PEBP4: variants seen among roughly 807,000 people sequenced by gnomAD.
PEBP4 encodes phosphatidylethanolamine binding protein 4, also known as phosphatidylethanolamine-binding protein 4.
In PEBP4, 22 loss-of-function variants were observed where a neutral mutation model predicts 23.9. That is an observed-to-expected ratio of 0.92 (90% confidence interval 0.66 to 1.31). The LOEUF (loss-of-function observed/expected upper bound fraction) is 1.31. PEBP4 is among the 40% of genes most tolerant of loss of function. The pLI is 0.00. For synonymous variants in PEBP4, 112 were observed against 99.3 expected (o/e 1.13, Z -0.76); for missense variants, 324 against 281.7 (o/e 1.15, Z -1.07).
At chr8:22,808,751 T>C (rs1420671594) in intron 4 of PEBP4, among the ~76,000 whole-genome samples, 3 of 152,226 alleles carry the variant, frequency 2.0e-5, no homozygotes, top group African/African-American at 7.2e-5. Context: ...AGTATTGCTC[T>C]CTCATTATCT....
rs116312596 is a variant in PEBP4, at chr8:22,857,330, T to C, written c.259-39595A>G. Among the ~76,000 whole-genome samples, 252 of 152,192 alleles carry C rather than the reference T, an allele frequency of 1.7e-3. 1 individual carries two copies. The highest frequency in any genetic ancestry group is 5.8e-3 in the African/African-American group (240 of 41,488). ...AGGCAGTTTACAGAGAAAGCATCTA[T>C]ACCATACGGGGCTCCATCACCTACC... On this transcript the variant is annotated intron_variant, in intron 3 of 6. Coordinates refer to ENST00000256404, the MANE Select transcript of PEBP4 (RefSeq NM_144962.3).
At chr8:22,827,829 C>T (rs1807004286) in intron 3 of PEBP4, among the ~76,000 whole-genome samples, 1 of 152,196 alleles carries the variant, frequency 6.6e-6, no homozygotes, top group African/African-American at 2.4e-5. Context: ...AAAGTGGTTG[C>T]TCCATTTTAC....
intron 3 of PEBP4, among the ~76,000 whole-genome samples, chr8:22,831,054 T>A (rs1267300457): frequency 6.6e-6 from 1 of 152,190 alleles, no homozygotes; most frequent in Non-Finnish European, 1.5e-5. Context: ...GCACCCTGTA[T>A]TCCAGTTTCT....
chr8:22,823,393 T>C (rs1173659160), intron 3 of PEBP4, among the ~76,000 whole-genome samples: 2 of 151,898 alleles, frequency 1.3e-5, no homozygotes, highest in Non-Finnish European at 2.9e-5. Flanking sequence ...TAACATAATA[T>C]TAAATTTATG....
chr8:22,734,142 A>T (rs1457119583), intron 4 of PEBP4, among the ~76,000 whole-genome samples: 1 of 152,226 alleles, frequency 6.6e-6, no homozygotes, highest in Non-Finnish European at 1.5e-5. Context: ...CAATCTGTGT[A>T]TTCGGCAATT....
At chr8:22,859,691 T>C (rs918928598) in intron 3 of PEBP4, among the ~76,000 whole-genome samples, 1 of 152,174 alleles carries the variant, frequency 6.6e-6, no homozygotes, top group Non-Finnish European at 1.5e-5. Flanking sequence ...GACACGGCAT[T>C]TGAGGCCCAT....
At chr8:22,808,430 T>C (rs779843946) in intron 4 of PEBP4, among the ~76,000 whole-genome samples, 10 of 152,250 alleles carry the variant, frequency 6.6e-5, no homozygotes, top group Admixed American at 1.3e-4. Context: ...CCGAGGGCAC[T>C]TAATGTTCTG....
intron 4 of PEBP4, among the ~76,000 whole-genome samples, chr8:22,765,103 T>C (rs1805580692): frequency 1.3e-5 from 2 of 150,080 alleles, no homozygotes; most frequent in Non-Finnish European, 3.0e-5. Flanking sequence ...CTTTCCTTCT[T>C]CCTTCCTTTA....
chr8:22,856,347 G>A (rs914657991), intron 3 of PEBP4, among the ~76,000 whole-genome samples: 5 of 152,176 alleles, frequency 3.3e-5, no homozygotes, highest in Non-Finnish European at 5.9e-5. Flanking sequence ...AAAATACAGT[G>A]TTGATGAAAT....
intron 3 of PEBP4, chr8:22,895,693 T>C (rs1808576219): frequency 6.6e-6 from 1 of 152,240 alleles, no homozygotes; most frequent in African/African-American, 2.4e-5. Context: ...TCACAATGCT[T>C]GGGTGCTCTG....
At chr8:22,926,667 G>A (rs529261902) in intron 2 of PEBP4, among the ~76,000 whole-genome samples, 1 of 152,224 alleles carries the variant, frequency 6.6e-6, no homozygotes, top group Admixed American at 6.5e-5. Context: ...TTTTAAGAAG[G>A]ATTCAACTAC....
intron 4 of PEBP4, among the ~76,000 whole-genome samples, chr8:22,755,326 CTTTTTTTTTTTTTTTTT>C (rs547269095): frequency 8.7e-6 from 1 of 114,592 alleles, no homozygotes; most frequent in Non-Finnish European, 1.8e-5. Flanking sequence ...TTCTCTCCCT[CTTTTTTTTTTTTTTTTT>C]TTTTTTTTTT....
Position 22,935,818 on chromosome 8 carries a change from T to C in PEBP4, c.145-8098A>G, listed in dbSNP as rs566624341. ...GCAAATATTCTAAAATCTGAAAAAT[T>C]TGAAATTTGAAATACTTCTTGTCCC... On this transcript the variant is annotated intron_variant, in intron 1 of 1. Coordinates refer to the PEBP4 transcript ENST00000522278. Among the ~76,000 whole-genome samples, 4 of 151,656 alleles carry C rather than the reference T, an allele frequency of 2.6e-5. No individual in the cohort carries two copies. The East Asian group carries it at 7.7e-4, about 29-fold the overall frequency.
chr8:22,837,292 G>C (rs1012895022), intron 3 of PEBP4, among the ~76,000 whole-genome samples: 1 of 152,138 alleles, frequency 6.6e-6, no homozygotes, highest in Non-Finnish European at 1.5e-5. Flanking sequence ...GAAAGCTAGT[G>C]GTGTTTTGGT....
chr8:22,911,503 C>T (rs1322256622), intron 3 of PEBP4, among the ~76,000 whole-genome samples: 4 of 152,286 alleles, frequency 2.6e-5, no homozygotes, highest in East Asian at 3.9e-4. Flanking sequence ...ACCCACAAGC[C>T]GGCAAGTTTT....
chr8:22,931,659 C>G (rs1046423538), upstream of PEBP4, among the ~76,000 whole-genome samples: 4 of 152,170 alleles, frequency 2.6e-5, no homozygotes, highest in Non-Finnish European at 4.4e-5. Context: ...TCTCAGCTCA[C>G]TGCTGCCTCC....
chr8:22,769,400 A>G (rs908918162), intron 4 of PEBP4, among the ~76,000 whole-genome samples: 2 of 152,214 alleles, frequency 1.3e-5, no homozygotes, highest in African/African-American at 2.4e-5. Context: ...GTCCTGTCTC[A>G]GTGGCTCTGG....
At chr8:22,797,105 T>A (rs1349007603) in intron 4 of PEBP4, among the ~76,000 whole-genome samples, 1 of 150,418 alleles carries the variant, frequency 6.6e-6, no homozygotes, top group Non-Finnish European at 1.5e-5. Flanking sequence ...AAAATGAAAA[T>A]CAGCCGGGCA....
At position 22,796,506 on chromosome 8, in the gene PEBP4, C is replaced by T. The variant is rs970531573; in HGVS notation, c.357+21131G>A. ...AATCAGCAGCTGGGAAGCCTTCCTC[C>T]GGGCAGCCCTCTGTGCTGGCTCTCA... On this transcript the variant is annotated intron_variant, in intron 4 of 6. Transcript: ENST00000256404. Among the ~76,000 whole-genome samples, 6 of 152,286 alleles carry T rather than the reference C, an allele frequency of 3.9e-5. No individual in the cohort carries two copies. The South Asian group carries it at 8.3e-4, about 21-fold the overall frequency.
Sources: gnomAD v4.1 joint callset for allele counts (sites outside exome capture counted in the v4.1 genomes callset) on GRCh38, gnomAD v4.1.1 for gene constraint, MANE v1.5 for transcripts, NCBI Gene and HGNC (gene_info 2026-07-23, HGNC 2026-07-21) for gene names.